ARID2: variants seen among roughly 807,000 people sequenced by gnomAD.
The protein encoded by ARID2 is AT-rich interaction domain 2.
Under a neutral mutation model 184.6 loss-of-function variants are expected in ARID2, and 32 were observed. The observed-to-expected ratio is 0.17, with a 90% confidence interval of 0.13 to 0.23. The LOEUF is 0.23. ARID2 is among the 10% of genes least tolerant of loss of function. The probability of loss-of-function intolerance (pLI) is 1.00; values close to 1 mark genes in which losing one functional copy is unlikely to be tolerated. For synonymous variants in ARID2, 836 were observed against 772.6 expected, an observed-to-expected ratio of 1.08 and a Z score of -1.36; for missense variants, 1,696 against 2,197.6, an observed-to-expected ratio of 0.77 and a Z score of 4.56.
At chr12:45,902,725 A>G (rs1157368591) in intron 20 of ARID2, among the ~76,000 whole-genome samples, 2 of 151,826 alleles carry the variant, frequency 1.3e-5, no homozygotes, top group Non-Finnish European at 2.9e-5. Context: ...TTGTATTTTT[A>G]GTAGAGATGG....
At chr12:45,869,361 G>A (rs1408185447) in intron 16 of ARID2, among the ~76,000 whole-genome samples, 2 of 151,822 alleles carry the variant, frequency 1.3e-5, no homozygotes, top group African/African-American at 2.4e-5. Flanking sequence ...TTGATAGTGA[G>A]CACTTTTTTT....
chr12:45,866,928 T>G (rs1943840341), intron 16 of ARID2, among the ~76,000 whole-genome samples: 3 of 150,164 alleles, frequency 2.0e-5, no homozygotes, highest in East Asian at 2.0e-4. Flanking sequence ...TTTTGTGAAG[T>G]TTGTTGTTGT....
chr12:45,817,987 ATTCT>A (rs1942836908), intron 5 of ARID2, 99 bp downstream of exon 5: 4 of 860,422 alleles, frequency 4.6e-6, no homozygotes, highest in Non-Finnish European at 6.8e-6. Flanking sequence ...ACATAATAGC[ATTCT>A]TTATTTTCTG....
intron 6 of ARID2, among the ~76,000 whole-genome samples, chr12:45,829,987 A>T (rs1157591190): frequency 2.0e-5 from 3 of 148,436 alleles, no homozygotes; most frequent in South Asian, 2.1e-4. Context: ...CCTATTTTAG[A>T]TTTGCCCTTT....
intron 3 of ARID2, among the ~76,000 whole-genome samples, chr12:45,770,537 G>A (rs866774512): frequency 6.6e-6 from 1 of 152,182 alleles, no homozygotes; most frequent in African/African-American, 2.4e-5. Context: ...TCCCCCATCC[G>A]AGAAGAATGG....
At chr12:45,735,390 A>G (rs1941090279) in intron 3 of ARID2, among the ~76,000 whole-genome samples, 1 of 150,632 alleles carries the variant, frequency 6.6e-6, no homozygotes. Context: ...TCATGCATGT[A>G]TTTCAAATTT....
intron 3 of ARID2, among the ~76,000 whole-genome samples, chr12:45,782,842 T>G (rs981039031): frequency 1.3e-5 from 2 of 151,224 alleles, no homozygotes; most frequent in African/African-American, 4.9e-5. Context: ...GGTGCGGTGG[T>G]TCATGCCTGT....
rs2136462977 is a variant in ARID2, at chr12:45,893,657, C to A, written c.5299C>A (p.His1767Asn). ...TGAAAAAGAGGGACCAATAACTAAACACATCCGACTAACAGCTGCCTTAAT... is the reference window on the plus strand; with the variant it reads ...TGAAAAAGAGGGACCAATAACTAAAAACATCCGACTAACAGCTGCCTTAAT... ...TDEKEGPITK[H>N]IRLTAALILK... The change falls in exon 20 of 21, where the codon CAC becomes AAC. Residue 1767 changes from histidine to asparagine, a missense_variant. Physicochemically the swap from His to Asn is moderately conservative, Grantham distance 68. Around this residue, in one of 11 missense-constraint regions of ARID2, gnomAD observed 69 missense variants for 118.2 expected, o/e 0.58. Coordinates refer to ENST00000334344, the MANE Select transcript of ARID2 (RefSeq NM_152641.4). 1 of 1,606,636 alleles carries A rather than the reference C, an allele frequency of 6.2e-7. No homozygotes were observed. Among genetic ancestry groups the A allele is most frequent in the East Asian group, 2.2e-5 (1 of 44,794 alleles).
chr12:45,890,215 C>A, intron 16 of ARID2, among the ~76,000 whole-genome samples: 1 of 152,224 alleles, frequency 6.6e-6, no homozygotes. Context: ...TAAAATCATA[C>A]ATAGTTGTGT....
At chr12:45,734,573 CAA>C (rs58142463) in intron 3 of ARID2, among the ~76,000 whole-genome samples, 8 of 112,422 alleles carry the variant, frequency 7.1e-5, no homozygotes, top group Admixed American at 2.7e-4. Context: ...TATTAAAGTG[CAA>C]AAAAAAAAAA....
At chr12:45,898,193 A>G (rs766771212) in intron 20 of ARID2, among the ~76,000 whole-genome samples, 18 of 152,198 alleles carry the variant, frequency 1.2e-4, no homozygotes, top group South Asian at 2.1e-4. Context: ...GGACAAATAT[A>G]TGGTATGATT....
chr12:45,787,694 C>T (rs993169463), intron 3 of ARID2, among the ~76,000 whole-genome samples: 2 of 152,000 alleles, frequency 1.3e-5, no homozygotes, highest in Non-Finnish European at 2.9e-5. Flanking sequence ...TTTCTTTAAA[C>T]TGTAAACTTT....
chr12:45,840,462 T>C (rs2138139759), intron 11 of ARID2: 1 of 152,338 alleles, frequency 6.6e-6, no homozygotes, highest in East Asian at 1.9e-4. Context: ...TTCTGAAACT[T>C]ACTCTGAATA....
intron 10 of ARID2, 132 bp downstream of exon 10, chr12:45,837,839 C>A (rs774952921): frequency 2.1e-5 from 14 of 675,164 alleles, no homozygotes; most frequent in Non-Finnish European, 3.2e-5. Context: ...CTCAGGCATA[C>A]TTGTTTCCAT....
intron 3 of ARID2, among the ~76,000 whole-genome samples, chr12:45,745,488 A>G (rs745351625): frequency 1.3e-5 from 2 of 152,190 alleles, no homozygotes; most frequent in Non-Finnish European, 2.9e-5. Flanking sequence ...ATTCTGTTTT[A>G]AAAGGAATAA....
intron 16 of ARID2, among the ~76,000 whole-genome samples, chr12:45,879,019 T>C (rs933108223): frequency 1.3e-5 from 2 of 152,208 alleles, no homozygotes; most frequent in African/African-American, 2.4e-5. Context: ...TTTTTAAATA[T>C]AGCCTGTATC....
chr12:45,784,346 A>G (rs1293941066), intron 3 of ARID2, among the ~76,000 whole-genome samples: 2 of 152,168 alleles, frequency 1.3e-5, no homozygotes, highest in Non-Finnish European at 2.9e-5. Context: ...AGTATCTACT[A>G]TTTTAAAATA....
At chr12:45,842,908 A>C (rs532968182) in intron 11 of ARID2, among the ~76,000 whole-genome samples, 51 of 152,330 alleles carry the variant, frequency 3.3e-4, no homozygotes, top group African/African-American at 1.2e-3. Context: ...GGAATTTAGC[A>C]TCAGTAGTAT....
chr12:45,902,402 T>G (rs1189121977), intron 20 of ARID2, among the ~76,000 whole-genome samples: 2 of 152,252 alleles, frequency 1.3e-5, no homozygotes, highest in Non-Finnish European at 2.9e-5. Flanking sequence ...CTTTTTAACA[T>G]GTGACTATCA....
Sources: gnomAD v4.1 joint callset for allele counts (sites outside exome capture counted in the v4.1 genomes callset) on GRCh38, gnomAD v4.1.1 for gene constraint, gnomAD v4.1.1 regional missense constraint, MANE v1.5 for transcripts, NCBI Gene and HGNC (gene_info 2026-07-23, HGNC 2026-07-21) for gene names.